SLCO3A1: variants seen among roughly 807,000 people sequenced by gnomAD.
The protein encoded by SLCO3A1 is solute carrier organic anion transporter family member 3A1, also known as PGE1 transporter.
Under a neutral mutation model 63.1 loss-of-function variants are expected in SLCO3A1, and 27 were observed. That is an observed-to-expected ratio of 0.43 (90% CI 0.32 to 0.59). The LOEUF (loss-of-function observed/expected upper bound fraction) is 0.59, where lower values mean the gene tolerates loss of function less well. Ranked by LOEUF, SLCO3A1 falls within the 20% of genes least tolerant of loss-of-function variation. The pLI, the probability that SLCO3A1 is intolerant of heterozygous loss-of-function variation, is 0.09. For missense variants in SLCO3A1, 773 were observed against 945.8 expected (o/e 0.82, Z 2.40); for synonymous variants, 473 against 409.9 (o/e 1.15, Z -1.86).
At chr15:91,887,424 C>T (rs1471368705) in intron 1 of SLCO3A1, among the ~76,000 whole-genome samples, 2 of 152,102 alleles carry the variant, frequency 1.3e-5, no homozygotes, top group East Asian at 3.9e-4. Context: ...TGAGACATTG[C>T]GGCCGCTAAC....
chr15:92,008,946 A>G (rs892177681), intron 2 of SLCO3A1, among the ~76,000 whole-genome samples: 2 of 152,262 alleles, frequency 1.3e-5, no homozygotes, highest in South Asian at 2.1e-4. Context: ...AAGAGATTTT[A>G]TGGATTTCTG....
intron 2 of SLCO3A1, among the ~76,000 whole-genome samples, chr15:91,918,683 T>C (rs949506795): frequency 1.3e-5 from 2 of 152,234 alleles, no homozygotes; most frequent in Non-Finnish European, 2.9e-5. Context: ...GTGAGAATAT[T>C]TCAGAGTTTA....
chr15:91,872,758 CTT>C lies in SLCO3A1; in HGVS notation c.180+18673_180+18674del, dbSNP rs2151335583. Among the ~76,000 whole-genome samples, 1 of 152,312 alleles carries C rather than the reference CTT, an allele frequency of 6.6e-6. No homozygotes were observed. The highest frequency in any genetic ancestry group is 1.9e-4 in the East Asian group (1 of 5,170). On this transcript the variant is annotated intron_variant, in intron 1 of 9. Transcript: ENST00000318445. This position sits in a 1 kb window ranked among gnomAD's most constrained non-coding sequence, Gnocchi z 4.1. ...TGAGAGAACACTGTTCTCACTCTCT[CTT>C]TTAAACTGAGGGAAAAGGTAATGAA...
chr15:92,116,605 G>A (rs942027083), intron 4 of SLCO3A1, among the ~76,000 whole-genome samples: 15 of 152,278 alleles, frequency 9.9e-5, no homozygotes, highest in Non-Finnish European at 1.8e-4. Context: ...TGTTTGCCTG[G>A]GCCGCCCCAT....
chr15:92,074,615 C>T (rs2047254704), intron 2 of SLCO3A1, among the ~76,000 whole-genome samples: 1 of 152,158 alleles, frequency 6.6e-6, no homozygotes, highest in Non-Finnish European at 1.5e-5. Context: ...CTCCATTTTC[C>T]AGCCTGTGAG....
intron 2 of SLCO3A1, among the ~76,000 whole-genome samples, chr15:91,951,435 A>G (rs1899994542): frequency 6.6e-6 from 1 of 152,188 alleles, no homozygotes; most frequent in African/African-American, 2.4e-5. Flanking sequence ...GTATGGCTGT[A>G]ACAGATTTTG....
At chr15:92,112,049 G>T (rs950848684) in intron 4 of SLCO3A1, among the ~76,000 whole-genome samples, 1 of 152,200 alleles carries the variant, frequency 6.6e-6, no homozygotes, top group African/African-American at 2.4e-5. Flanking sequence ...GCTCACAGGA[G>T]GTTCAAAGGG....
rs896963353 is a variant in SLCO3A1, at chr15:91,968,893, C to A, written c.646+52435C>A. Among the ~76,000 whole-genome samples the A allele has an allele frequency of 3.9e-5, 6 of 152,178 alleles. No homozygotes were observed. Among genetic ancestry groups the A allele is most frequent in the African/African-American group, 1.4e-4 (6 of 41,454 alleles). ...GAGTCTCCTTTCTCTTTCCCCTACCCAGGGGATCTGGCAAACTCGTGTTGC... is the reference window on the plus strand; with the variant it reads ...GAGTCTCCTTTCTCTTTCCCCTACCAAGGGGATCTGGCAAACTCGTGTTGC... On this transcript the variant is annotated intron_variant, in intron 2 of 9. Transcript: ENST00000318445. The surrounding 1 kb of genome is among the most constrained non-coding windows in gnomAD (Gnocchi z 4.2).
At chr15:91,881,290 CT>C (rs56077641) in intron 1 of SLCO3A1, among the ~76,000 whole-genome samples, 43,688 of 146,872 alleles carry the variant, frequency 0.3, 6,606 homozygotes, top group Non-Finnish European at 0.35. Flanking sequence ...GTTCCCCCAC[CT>C]TTTTTTTTTT....
rs138466833 is a variant in SLCO3A1 at position 92,121,810 on chromosome 15, C to T, written c.1174+1181C>T. 1.7e-3 allele frequency among the ~76,000 whole-genome samples: 257 copies of T among 152,268 alleles called. 2 individuals carry two copies. The highest frequency in any genetic ancestry group is 5.8e-3 in the African/African-American group (240 of 41,542). ...CATGGAAGTCAAGGGTGAGATGATT[C>T]CAAGAAGAAAGCAGCCATCTGCAAT... On this transcript the variant is annotated intron_variant, in intron 5 of 9. Coordinates refer to ENST00000318445, the MANE Select transcript of SLCO3A1 (RefSeq NM_013272.4).
At chr15:92,075,625 A>G (rs1229165175) in intron 2 of SLCO3A1, among the ~76,000 whole-genome samples, 1 of 152,204 alleles carries the variant, frequency 6.6e-6, no homozygotes, top group East Asian at 1.9e-4. Context: ...TCAGACAGAT[A>G]GTTTGGCCAT....
chr15:92,062,276 A>G (rs1416397156), intron 2 of SLCO3A1, among the ~76,000 whole-genome samples: 1 of 152,214 alleles, frequency 6.6e-6, no homozygotes, highest in East Asian at 1.9e-4. Flanking sequence ...GGAGGAGGTG[A>G]CATTTGCATT....
chr15:92,102,895 C>T (rs907522336), intron 3 of SLCO3A1, among the ~76,000 whole-genome samples: 1 of 152,182 alleles, frequency 6.6e-6, no homozygotes, highest in Non-Finnish European at 1.5e-5. Flanking sequence ...GTTCTTCAGC[C>T]CCATGAACCT....
At chr15:91,991,206 C>CA (rs1597196625) in intron 2 of SLCO3A1, among the ~76,000 whole-genome samples, 1 of 151,896 alleles carries the variant, frequency 6.6e-6, no homozygotes, top group South Asian at 2.1e-4. Flanking sequence ...TCTGTGTCTA[C>CA]AAAAAAATCA....
At chr15:91,957,553 A>G (rs1900284944) in intron 2 of SLCO3A1, among the ~76,000 whole-genome samples, 1 of 151,608 alleles carries the variant, frequency 6.6e-6, no homozygotes, top group Admixed American at 6.6e-5. Flanking sequence ...CTCAGTTCCC[A>G]CCTCAGGGCC....
At chr15:91,925,078 T>C (rs1290212430) in intron 2 of SLCO3A1, among the ~76,000 whole-genome samples, 5 of 152,254 alleles carry the variant, frequency 3.3e-5, no homozygotes, top group Non-Finnish European at 7.3e-5. Context: ...GCTTCCTTAC[T>C]GCACCTGACT....
rs574667973 is a variant in SLCO3A1 at position 91,924,380 on chromosome 15, G to A, written c.646+7922G>A. ...TTGAAATCTTCTCCAAGCCCTTTGC[G>A]AGTCAGCATTGGTTAGCATGTCTCG... On this transcript the variant is annotated intron_variant, in intron 2 of 9. Coordinates refer to ENST00000318445, the MANE Select transcript of SLCO3A1 (RefSeq NM_013272.4). Among the ~76,000 whole-genome samples, 17 of 152,242 alleles carry A rather than the reference G, an allele frequency of 1.1e-4. No individual in the cohort carries two copies. In the East Asian group the frequency reaches 2.9e-3, roughly 26 times the overall value.
chr15:91,923,256 G>C (rs530709542), intron 2 of SLCO3A1, among the ~76,000 whole-genome samples: 2 of 152,212 alleles, frequency 1.3e-5, no homozygotes, highest in African/African-American at 2.4e-5. Flanking sequence ...TCCATTTCCA[G>C]ATGTAGAAAT....
intron 3 of SLCO3A1, among the ~76,000 whole-genome samples, chr15:92,095,984 A>AC (rs570585844): frequency 5.3e-4 from 80 of 152,272 alleles, no homozygotes; most frequent in African/African-American, 1.9e-3. Flanking sequence ...ATAAGAAATA[A>AC]CCCCAAACCT....
Sources: allele counts gnomAD v4.1 joint callset (sites outside exome capture counted in the v4.1 genomes callset), GRCh38; gene constraint gnomAD v4.1.1; non-coding constraint Gnocchi (gnomAD v3.1); transcripts MANE v1.5; gene names NCBI Gene and HGNC (gene_info 2026-07-23, HGNC 2026-07-21).